The following EDA variants were observed in gnomAD, a reference collection of about 807,000 sequenced individuals.
EDA encodes the protein ectodysplasin-A.
EDA carries 2 observed loss-of-function variants against 23.6 expected under a neutral mutation model. That is an observed-to-expected ratio of 0.08 (90% CI 0.03 to 0.27). The LOEUF (loss-of-function observed/expected upper bound fraction) is 0.27, where lower values mean the gene tolerates loss of function less well. EDA is among the 10% of genes least tolerant of loss of function. EDA has a pLI of 1.00. For synonymous variants in EDA, 131 were observed against 132.0 expected, an observed-to-expected ratio of 0.99 and a Z score of 0.05; for missense variants, 229 against 324.2, an observed-to-expected ratio of 0.71 and a Z score of 2.26.
chrX:69,854,617 T>G (rs2147582965), intron 1 of EDA, among the ~76,000 whole-genome samples: 1 of 112,237 alleles, frequency 8.9e-6, no homozygotes, highest in East Asian at 2.8e-4. Flanking sequence ...GCTCCATCCA[T>G]TTTCCTGCAA....
At chrX:69,865,741 A>G (rs1328375336) in intron 1 of EDA, among the ~76,000 whole-genome samples, 3 of 111,744 alleles carry the variant, frequency 2.7e-5, no homozygotes, top group African/African-American at 9.8e-5. Flanking sequence ...GAGATCATTC[A>G]TAATCTTCAA....
intron 1 of EDA, among the ~76,000 whole-genome samples, chrX:69,715,762 G>A (rs930441220): frequency 2.7e-4 from 30 of 111,712 alleles, no homozygotes; most frequent in African/African-American, 9.1e-4. Flanking sequence ...TGACTTTCTA[G>A]TAGTAGTCAT....
At chrX:69,752,999 C>A (rs1233006055) in intron 1 of EDA, among the ~76,000 whole-genome samples, 1 of 111,403 alleles carries the variant, frequency 9.0e-6, no homozygotes, top group Non-Finnish European at 1.9e-5. Context: ...AGCGGTCTAT[C>A]AATTTTGTTG....
In EDA at chrX:69,896,398, AGTGTGTGT is replaced by A. The variant is rs373119823; in HGVS notation, c.397-60602_397-60595del. On this transcript the variant is annotated intron_variant, in intron 1 of 7. Transcript: ENST00000374552. ...GAAAGATGATAAGGGTATGTGCATC[AGTGTGTGT>A]GTGTGTGTGTGTGTGTGTGTGTGTG... Among the ~76,000 whole-genome samples the A allele has an allele frequency of 2.7e-3, 259 of 97,315 alleles. 3 individuals are homozygous for A. Among genetic ancestry groups the A allele is most frequent in the Middle Eastern group, 0.01 (2 of 199 alleles). 84.5% of individuals were successfully genotyped at this position (97,315 alleles called of 115,157 possible). A position where few individuals can be genotyped will look rare whatever the true frequency, so the allele number is the denominator to read the frequency against.
At chrX:69,737,205 T>TA (rs1178204455) in intron 1 of EDA, among the ~76,000 whole-genome samples, 1 of 112,470 alleles carries the variant, frequency 8.9e-6, no homozygotes. Context: ...TTTCTGGCTT[T>TA]AAATTTGGAT....
intron 1 of EDA, among the ~76,000 whole-genome samples, chrX:69,882,846 G>A (rs2017769683): frequency 9.0e-6 from 1 of 111,149 alleles, no homozygotes; most frequent in South Asian, 3.8e-4. Context: ...GGGATTACAG[G>A]CATGCGCCAC....
chrX:69,931,217 C>T (rs2018593644), intron 1 of EDA, among the ~76,000 whole-genome samples: 1 of 111,498 alleles, frequency 9.0e-6, no homozygotes, highest in Non-Finnish European at 1.9e-5. Flanking sequence ...GTCAAATGAT[C>T]TGCAACAAAA....
chrX:69,794,312 G>A (rs1194456704), intron 1 of EDA, among the ~76,000 whole-genome samples: 1 of 111,611 alleles, frequency 9.0e-6, no homozygotes, highest in Non-Finnish European at 1.9e-5. Flanking sequence ...TCGGCCTTTA[G>A]CCACTGAAGG....
chrX:69,923,106 G>A (rs1454524245), intron 1 of EDA, among the ~76,000 whole-genome samples: 1 of 111,449 alleles, frequency 9.0e-6, no homozygotes, highest in East Asian at 2.8e-4. Context: ...CTATTCCAAT[G>A]TGACTAGCGG....
chrX:70,020,491 A>G (rs1213413060), intron 2 of EDA, among the ~76,000 whole-genome samples: 1 of 110,259 alleles, frequency 9.1e-6, no homozygotes, highest in Non-Finnish European at 1.9e-5. Context: ...CCCGGGAGGC[A>G]GAGTTTGCAG....
In EDA at chrX:70,012,749, A is replaced by G. The variant is rs145572107; in HGVS notation, c.503-10469A>G. ...GCCCCGAGCCCAGCAAAGCTGCCTTACGGAAAAGCAGCCAGACTGTTTTCC... is the reference window on the plus strand; with the variant it reads ...GCCCCGAGCCCAGCAAAGCTGCCTTGCGGAAAAGCAGCCAGACTGTTTTCC... On this transcript the variant is annotated intron_variant, in intron 2 of 7. Transcript: ENST00000374552. 1.8e-3 allele frequency among the ~76,000 whole-genome samples: 200 copies of G among 112,672 alleles called. 3 individuals are homozygous for G. Among genetic ancestry groups the G allele is most frequent in the Middle Eastern group, 4.6e-3 (1 of 218 alleles).
chrX:69,660,137 A>T (rs1262582728), intron 1 of EDA, among the ~76,000 whole-genome samples: 1 of 111,218 alleles, frequency 9.0e-6, no homozygotes, highest in Non-Finnish European at 1.9e-5. Flanking sequence ...TTGAAGTTTG[A>T]AAAACATTTT....
At chrX:69,646,633 C>T (rs1932933393) in intron 1 of EDA, among the ~76,000 whole-genome samples, 1 of 111,774 alleles carries the variant, frequency 8.9e-6, no homozygotes, top group African/African-American at 3.3e-5. Context: ...GCTCTTTATC[C>T]AGTTTGCCAT....
chrX:69,826,632 A>G (rs1472449246), intron 1 of EDA, among the ~76,000 whole-genome samples: 2 of 109,099 alleles, frequency 1.8e-5, no homozygotes, highest in African/African-American at 3.4e-5. Flanking sequence ...TAGCACACTG[A>G]TGGGTCTTGA....
chrX:69,987,328 A>AT (rs2019515242), intron 2 of EDA, among the ~76,000 whole-genome samples: 1 of 108,615 alleles, frequency 9.2e-6, no homozygotes, highest in Admixed American at 9.8e-5. Context: ...AAATAAATAA[A>AT]AAAAAAATAA....
intron 2 of EDA, among the ~76,000 whole-genome samples, chrX:69,994,848 C>T (rs2019634851): frequency 8.9e-6 from 1 of 112,031 alleles, no homozygotes; most frequent in African/African-American, 3.2e-5. Context: ...TAAATTAAAC[C>T]AGCAATTATT....
At chrX:69,999,152 A>T (rs2019703404) in intron 2 of EDA, among the ~76,000 whole-genome samples, 1 of 112,150 alleles carries the variant, frequency 8.9e-6, no homozygotes, top group South Asian at 3.7e-4. Flanking sequence ...GAACTTTTAA[A>T]AAATCATTGT....
At chrX:69,930,712 T>A (rs766050191) in intron 1 of EDA, among the ~76,000 whole-genome samples, 1 of 111,204 alleles carries the variant, frequency 9.0e-6, no homozygotes, top group East Asian at 2.9e-4. Flanking sequence ...AGGCAACCAA[T>A]TTAGAAAGGA....
intron 1 of EDA, among the ~76,000 whole-genome samples, chrX:69,808,551 T>C (rs1335359559): frequency 9.0e-6 from 1 of 111,714 alleles, no homozygotes; most frequent in Non-Finnish European, 1.9e-5. Context: ...CTAAGTCACA[T>C]AGTTGATCTT....
Sources: allele counts gnomAD v4.1 joint callset (sites outside exome capture counted in the v4.1 genomes callset), GRCh38; gene constraint gnomAD v4.1.1; transcripts MANE v1.5; gene names NCBI Gene and HGNC (gene_info 2026-07-23, HGNC 2026-07-21).